NUP62CL: variants seen among roughly 807,000 people sequenced by gnomAD.
The protein encoded by NUP62CL is nucleoporin-62 C-terminal-like protein.
NUP62CL carries 13 observed loss-of-function variants against 15.3 expected under a neutral mutation model. The observed-to-expected ratio is 0.85, with a 90% CI of 0.55 to 1.35. The LOEUF is 1.35. Among genes scored for constraint, NUP62CL ranks in the 40% most tolerant of loss-of-function variants. NUP62CL has a pLI of 0.00. For synonymous variants in NUP62CL, 54 were observed against 49.2 expected (o/e 1.10, Z -0.41); for missense variants, 123 against 130.6 (o/e 0.94, Z 0.28).
chrX:107,185,196 CAAA>C (rs3072235), intron 2 of NUP62CL, among the ~76,000 whole-genome samples: 1 of 20,983 alleles, frequency 4.8e-5, no homozygotes, highest in African/African-American at 1.5e-4. Context: ...GACTCCGTCT[CAAA>C]AAAAAAAAAA....
At chrX:107,198,024 A>C (rs1171185939) in intron 1 of NUP62CL, among the ~76,000 whole-genome samples, 4 of 112,549 alleles carry the variant, frequency 3.6e-5, no homozygotes, top group Non-Finnish European at 7.5e-5. Context: ...GTGAAGAACT[A>C]ATCAGTGTCT....
intron 3 of NUP62CL, among the ~76,000 whole-genome samples, chrX:107,171,819 A>G (rs1313483219): frequency 1.8e-5 from 2 of 111,023 alleles, no homozygotes; most frequent in Non-Finnish European, 3.8e-5. Context: ...CAGCATCATC[A>G]AAGAGGCTGC....
chrX:107,147,429 TA>T (rs1175772617), intron 8 of NUP62CL, among the ~76,000 whole-genome samples: 1 of 111,318 alleles, frequency 9.0e-6, no homozygotes, highest in African/African-American at 3.3e-5. Flanking sequence ...TTTTGGTATG[TA>T]AAACATTTAT....
chrX:107,127,520 G>C (rs1925418490), intron 8 of NUP62CL, among the ~76,000 whole-genome samples: 1 of 111,757 alleles, frequency 8.9e-6, no homozygotes, highest in African/African-American at 3.2e-5. Context: ...TTCTGTTTTG[G>C]AGACAGATGT....
At chrX:107,189,604 C>T (rs1569365465) in intron 2 of NUP62CL, among the ~76,000 whole-genome samples, 1 of 80,935 alleles carries the variant, frequency 1.2e-5, no homozygotes. Flanking sequence ...GGTGAAACCC[C>T]GTCCCTACAA....
At chrX:107,189,824 AGG>A (rs1927166613) in intron 2 of NUP62CL, among the ~76,000 whole-genome samples, 1 of 45,428 alleles carries the variant, frequency 2.2e-5, no homozygotes, top group Admixed American at 3.3e-4. Context: ...GAAAGAAAGA[AGG>A]AGGGAAGGAA....
At chrX:107,124,383 T>G in intron 8 of NUP62CL, 51 bp from the exon 9 acceptor site, 1 of 336,173 alleles carries the variant, frequency 3.0e-6, no homozygotes. Context: ...AAATATCCCA[T>G]GAACATAATT....
At chrX:107,149,973 T>G (rs1486752848) in intron 7 of NUP62CL, among the ~76,000 whole-genome samples, 1 of 112,248 alleles carries the variant, frequency 8.9e-6, no homozygotes, top group African/African-American at 3.2e-5. Flanking sequence ...TCACAGCACC[T>G]TAACTCTAAT....
At chrX:107,145,308 A>G (rs936207511) in intron 8 of NUP62CL, among the ~76,000 whole-genome samples, 20 of 111,063 alleles carry the variant, frequency 1.8e-4, no homozygotes, top group African/African-American at 6.5e-4. Flanking sequence ...TATTATTTTA[A>G]GGCCACATCT....
chrX:107,195,825 T>C (rs1456082100), intron 1 of NUP62CL, among the ~76,000 whole-genome samples: 1 of 111,806 alleles, frequency 8.9e-6, no homozygotes, highest in Non-Finnish European at 1.9e-5. Context: ...TTTCCTGAGG[T>C]TACAAGTGCT....
chrX:107,130,412 G>C (rs1925487383), intron 8 of NUP62CL, among the ~76,000 whole-genome samples: 1 of 112,207 alleles, frequency 8.9e-6, no homozygotes, highest in South Asian at 3.7e-4. Context: ...TTATCGATTA[G>C]ATGTGAAGGT....
intron 4 of NUP62CL, among the ~76,000 whole-genome samples, chrX:107,163,111 A>G (rs1926428929): frequency 8.9e-6 from 1 of 111,804 alleles, no homozygotes; most frequent in Non-Finnish European, 1.9e-5. Context: ...TAAATATACT[A>G]TTCTACTTCT....
At chrX:107,170,951 A>C (rs1175972028) in intron 3 of NUP62CL, among the ~76,000 whole-genome samples, 1 of 112,103 alleles carries the variant, frequency 8.9e-6, no homozygotes, top group Admixed American at 9.5e-5. Flanking sequence ...AATACAAAAA[A>C]CTACACACTA....
At chrX:107,194,648 A>G (rs934909596) in intron 1 of NUP62CL, among the ~76,000 whole-genome samples, 1 of 111,057 alleles carries the variant, frequency 9.0e-6, no homozygotes, top group African/African-American at 3.3e-5. Context: ...AACCTGTCAT[A>G]ATTCCTTATT....
At chrX:107,201,522 A>G (rs1732487314) in intron 1 of NUP62CL, among the ~76,000 whole-genome samples, 1 of 111,057 alleles carries the variant, frequency 9.0e-6, no homozygotes, top group African/African-American at 3.3e-5. Context: ...GCAATAACGG[A>G]ATGGAGATTT....
chrX:107,140,620 T>A (rs1262077635), intron 8 of NUP62CL, among the ~76,000 whole-genome samples: 1 of 112,523 alleles, frequency 8.9e-6, no homozygotes, highest in Non-Finnish European at 1.9e-5. Flanking sequence ...AATGAATTTC[T>A]ACTATGACCT....
Position 107,124,051 on chromosome X carries a change from A to G in NUP62CL, c.*324T>C. The stretch of plus-strand genomic sequence containing the variant: ...TTGCTGTCTGGACAAAGGGGCTAGT[A>G]TAATTTTGATTTTCTAATACTAAAA... On this transcript the variant is annotated 3_prime_UTR_variant, in exon 9 of 9. Transcript: ENST00000372466. The G allele has an allele frequency of 4.4e-6, 1 of 227,237 alleles. No individual in the cohort carries two copies. The highest frequency in any genetic ancestry group is 7.9e-6 in the Non-Finnish European group (1 of 125,944). 18.7% of individuals were successfully genotyped at this position (227,237 alleles called of 1,213,427 possible). A position where few individuals can be genotyped will look rare whatever the true frequency, so the allele number is the denominator to read the frequency against.
intron 1 of NUP62CL, among the ~76,000 whole-genome samples, chrX:107,198,562 A>G (rs1428562466): frequency 9.0e-6 from 1 of 111,728 alleles, no homozygotes; most frequent in Non-Finnish European, 1.9e-5. Context: ...CCACGAACCC[A>G]TCGGGAGTAA....
At chrX:107,202,374 C>T (rs1030966016) in intron 1 of NUP62CL, among the ~76,000 whole-genome samples, 2 of 111,137 alleles carry the variant, frequency 1.8e-5, no homozygotes, top group Non-Finnish European at 1.9e-5. Flanking sequence ...TTTATTCTCC[C>T]AGCCAACTTA....
Sources: gnomAD v4.1 joint callset for allele counts (sites outside exome capture counted in the v4.1 genomes callset) on GRCh38, gnomAD v4.1.1 for gene constraint, MANE v1.5 for transcripts, NCBI Gene and HGNC (gene_info 2026-07-23, HGNC 2026-07-21) for gene names.